The following PTPN14 variants were observed in gnomAD, a reference collection of about 807,000 sequenced individuals.
The protein encoded by PTPN14 is tyrosine-protein phosphatase non-receptor type 14.
Under a neutral mutation model 126.8 loss-of-function variants are expected in PTPN14, and 53 were observed. That is an observed-to-expected ratio of 0.42 (90% confidence interval 0.34 to 0.53). The LOEUF is 0.53. PTPN14 is among the 20% of genes least tolerant of loss of function. The pLI is 0.08. For synonymous variants in PTPN14, 630 were observed against 599.3 expected, an observed-to-expected ratio of 1.05 and a Z score of -0.75; for missense variants, 1,257 against 1,552.9, an observed-to-expected ratio of 0.81 and a Z score of 3.20.
intron 1 of PTPN14, among the ~76,000 whole-genome samples, chr1:214,489,229 A>ATAT (rs1434173663): frequency 2.6e-5 from 4 of 152,174 alleles, no homozygotes; most frequent in Non-Finnish European, 2.9e-5. Context: ...TGAGGTAAGT[A>ATAT]TATTACTTAT....
chr1:214,462,477 C>A (rs925900364), intron 2 of PTPN14, among the ~76,000 whole-genome samples: 6 of 152,160 alleles, frequency 3.9e-5, no homozygotes. Context: ...TTTGATAATC[C>A]AGTCCCCCAC....
intron 1 of PTPN14, among the ~76,000 whole-genome samples, chr1:214,522,137 G>A (rs1423611424): frequency 6.6e-6 from 1 of 151,956 alleles, no homozygotes; most frequent in African/African-American, 2.4e-5. Flanking sequence ...GTTTCGCCAT[G>A]TCGGCCAGGC....
At chr1:214,447,269 A>C (rs1417263658) in intron 3 of PTPN14, among the ~76,000 whole-genome samples, 2 of 152,022 alleles carry the variant, frequency 1.3e-5, no homozygotes, top group Non-Finnish European at 2.9e-5. Flanking sequence ...TTCAGTTCGG[A>C]CCTCAGATGC....
intron 4 of PTPN14, among the ~76,000 whole-genome samples, chr1:214,413,159 A>G (rs145874451): frequency 0.017 from 2,602 of 152,178 alleles, 80 homozygotes; most frequent in African/African-American, 0.059. Context: ...TTATAGGCAT[A>G]AGCCACCACA....
intron 13 of PTPN14, 66 bp from the exon 14 acceptor site, chr1:214,378,168 A>G: frequency 6.7e-7 from 1 of 1,486,800 alleles, no homozygotes; most frequent in Non-Finnish European, 9.0e-7. Context: ...ATGTGTTTTA[A>G]TCTCCTCAAA....
intron 3 of PTPN14, among the ~76,000 whole-genome samples, chr1:214,421,254 G>T (rs907151614): frequency 2.6e-5 from 4 of 152,218 alleles, no homozygotes; most frequent in African/African-American, 9.7e-5. Context: ...CTGTAACATG[G>T]ATGAACTCTG....
intron 1 of PTPN14, among the ~76,000 whole-genome samples, chr1:214,508,676 G>T (rs1474738262): frequency 6.6e-6 from 1 of 152,132 alleles, no homozygotes. Flanking sequence ...TCCATTCCAG[G>T]TTTGCAATTT....
At chr1:214,435,143 G>T (rs1659883601) in intron 3 of PTPN14, among the ~76,000 whole-genome samples, 2 of 152,112 alleles carry the variant, frequency 1.3e-5, no homozygotes, top group Admixed American at 6.5e-5. Flanking sequence ...AAGTGAAATT[G>T]ATTCCCCCTC....
chr1:214,368,011 A>G (rs571631516), intron 17 of PTPN14, among the ~76,000 whole-genome samples: 1 of 152,310 alleles, frequency 6.6e-6, no homozygotes, highest in East Asian at 1.9e-4. Flanking sequence ...ACATACACAG[A>G]AATTAATGAA....
At chr1:214,526,096 G>T (rs1189233237) in intron 1 of PTPN14, among the ~76,000 whole-genome samples, 1 of 151,904 alleles carries the variant, frequency 6.6e-6, no homozygotes, top group Non-Finnish European at 1.5e-5. Flanking sequence ...CTCCTGGGTA[G>T]CTGGGATTAC....
At chr1:214,416,993 G>A (rs1659441637) in intron 3 of PTPN14, among the ~76,000 whole-genome samples, 1 of 151,522 alleles carries the variant, frequency 6.6e-6, no homozygotes, top group Non-Finnish European at 1.5e-5. Context: ...ACTCCACCCT[G>A]TCATAGCTTT....
chr1:214,380,142 C>CT (rs201495799), intron 13 of PTPN14, among the ~76,000 whole-genome samples: 3,279 of 151,616 alleles, frequency 0.022, 106 homozygotes, highest in African/African-American at 0.073. Context: ...GTTTTTCTTT[C>CT]TTTTTTTTTA....
intron 1 of PTPN14, among the ~76,000 whole-genome samples, chr1:214,485,736 T>C (rs1288035757): frequency 1.3e-5 from 2 of 152,052 alleles, no homozygotes; most frequent in Admixed American, 6.5e-5. Context: ...ATTTCTTTTT[T>C]TTTTTTTGAG....
In PTPN14 at chr1:214,364,443, A is replaced by C; in HGVS notation, c.3435+69T>G. On this transcript the variant is annotated intron_variant, in intron 18 of 18. Coordinates refer to ENST00000366956, the MANE Select transcript of PTPN14 (RefSeq NM_005401.5). The surrounding 1 kb of genome is among the most constrained non-coding windows in gnomAD (Gnocchi z 4.1). ...CCACTGAAAATGCAAGGGTGCAGGCAAAGGTTTGGCCAGGGTGTAGACTTG... is the reference window on the plus strand; with the variant it reads ...CCACTGAAAATGCAAGGGTGCAGGCCAAGGTTTGGCCAGGGTGTAGACTTG... 2 of 1,537,818 alleles carry C rather than the reference A, an allele frequency of 1.3e-6. No individual in the cohort carries two copies. The highest frequency in any genetic ancestry group is 1.2e-5 in the South Asian group (1 of 80,712).
At chr1:214,471,410 A>G (rs1433073565) in intron 1 of PTPN14, among the ~76,000 whole-genome samples, 1 of 152,156 alleles carries the variant, frequency 6.6e-6, no homozygotes, top group Non-Finnish European at 1.5e-5. Flanking sequence ...GCCTCAGTCT[A>G]CTCACTTATG....
intron 1 of PTPN14, among the ~76,000 whole-genome samples, chr1:214,525,569 C>A (rs1655368235): frequency 6.6e-6 from 1 of 152,148 alleles, no homozygotes. Flanking sequence ...GAAGAGTAAA[C>A]AGCACAGAAG....
chr1:214,479,825 A>G (rs913562268), intron 1 of PTPN14, among the ~76,000 whole-genome samples: 7 of 152,154 alleles, frequency 4.6e-5, no homozygotes, highest in Non-Finnish European at 1.0e-4. Context: ...ATGACAGAAA[A>G]CTAAAAGAAA....
intron 5 of PTPN14, among the ~76,000 whole-genome samples, chr1:214,407,019 C>T (rs1659187477): frequency 6.6e-6 from 1 of 152,198 alleles, no homozygotes; most frequent in South Asian, 2.1e-4. Flanking sequence ...ACTTCCCTCC[C>T]ACCAAGCACG....
At chr1:214,512,698 G>A (rs1032307559) in intron 1 of PTPN14, among the ~76,000 whole-genome samples, 9 of 152,024 alleles carry the variant, frequency 5.9e-5, no homozygotes, top group East Asian at 1.9e-4. Context: ...AAAAAAATAC[G>A]TATTATTTTT....
Sources: gnomAD v4.1 joint callset for allele counts (sites outside exome capture counted in the v4.1 genomes callset) on GRCh38, gnomAD v4.1.1 for gene constraint, Gnocchi (gnomAD v3.1) non-coding constraint, MANE v1.5 for transcripts, NCBI Gene and HGNC (gene_info 2026-07-23, HGNC 2026-07-21) for gene names.